Variants in STAC observed in about 807,000 individuals in gnomAD.
STAC encodes the protein SH3 and cysteine-rich domain-containing protein.
A neutral mutation model predicts 48.8 loss-of-function variants in STAC; 43 were observed. That is an observed-to-expected ratio of 0.88 (90% confidence interval 0.69 to 1.14). STAC has a LOEUF of 1.14. Ranked by LOEUF, STAC falls within the 50% of genes most tolerant of loss-of-function variation. The pLI is 0.00. For synonymous variants in STAC, 193 were observed against 179.5 expected, an observed-to-expected ratio of 1.07 and a Z score of -0.60; for missense variants, 497 against 504.0, an observed-to-expected ratio of 0.99 and a Z score of 0.13.
intron 1 of STAC, among the ~76,000 whole-genome samples, chr3:36,400,845 G>A (rs1312053121): frequency 6.6e-6 from 1 of 152,142 alleles, no homozygotes; most frequent in Non-Finnish European, 1.5e-5. Context: ...GTGTTCTCTT[G>A]ACCCAGGCTT....
At chr3:36,419,180 CT>C (rs1259401333) in intron 1 of STAC, among the ~76,000 whole-genome samples, 1 of 152,058 alleles carries the variant, frequency 6.6e-6, no homozygotes, top group African/African-American at 2.4e-5. Context: ...TCACTAACTT[CT>C]TTTAACTTAA....
intron 6 of STAC, among the ~76,000 whole-genome samples, chr3:36,498,454 C>T (rs947875835): frequency 1.3e-5 from 2 of 152,112 alleles, no homozygotes; most frequent in Admixed American, 1.3e-4. Flanking sequence ...TTTAGAAGTA[C>T]ATAAAGAGAG....
chr3:36,473,877 G>A (rs938524478), intron 2 of STAC, among the ~76,000 whole-genome samples: 1 of 152,072 alleles, frequency 6.6e-6, no homozygotes, highest in Non-Finnish European at 1.5e-5. Context: ...ATTAAATAAG[G>A]ACTTTCATCA....
At chr3:36,430,122 A>G (rs1229913579) in intron 1 of STAC, among the ~76,000 whole-genome samples, 1 of 152,222 alleles carries the variant, frequency 6.6e-6, no homozygotes, top group East Asian at 1.9e-4. Flanking sequence ...TGGGGAATTC[A>G]AACATGTAAG....
intron 1 of STAC, among the ~76,000 whole-genome samples, chr3:36,441,945 G>A (rs75327592): frequency 6.6e-6 from 1 of 151,562 alleles, no homozygotes; most frequent in African/African-American, 2.4e-5. Flanking sequence ...GGAGGTTTGT[G>A]TTTTTTTTGC....
At chr3:36,543,337 T>C (rs1004551879) in intron 10 of STAC, among the ~76,000 whole-genome samples, 3 of 152,232 alleles carry the variant, frequency 2.0e-5, no homozygotes, top group African/African-American at 7.2e-5. Flanking sequence ...TCTGGATTCC[T>C]CATTTCTGGA....
chr3:36,528,481 AAG>A (rs1491054177), intron 8 of STAC, among the ~76,000 whole-genome samples: 8 of 152,006 alleles, frequency 5.3e-5, no homozygotes, highest in Admixed American at 2.0e-4. Context: ...AAAAAAAAAA[AAG>A]AGTTATTTTT....
At chr3:36,476,803 A>T (rs968280252) in intron 2 of STAC, among the ~76,000 whole-genome samples, 10 of 152,142 alleles carry the variant, frequency 6.6e-5, no homozygotes, top group African/African-American at 2.4e-4. Context: ...AAAATTATCC[A>T]TTGCTTTTGC....
At chr3:36,425,594 T>C (rs1395296642) in intron 1 of STAC, among the ~76,000 whole-genome samples, 1 of 152,256 alleles carries the variant, frequency 6.6e-6, no homozygotes, top group African/African-American at 2.4e-5. Context: ...TATATCAGTG[T>C]TAATTTCCTG....
chr3:36,468,709 T>C (rs1423329451), intron 2 of STAC, among the ~76,000 whole-genome samples: 1 of 147,684 alleles, frequency 6.8e-6, no homozygotes, highest in Non-Finnish European at 1.5e-5. Flanking sequence ...TCATTATATA[T>C]ATAAAATACA....
At chr3:36,399,084 T>C (rs1394641972) in intron 1 of STAC, among the ~76,000 whole-genome samples, 1 of 152,224 alleles carries the variant, frequency 6.6e-6, no homozygotes, top group Non-Finnish European at 1.5e-5. Context: ...GCAGGACTTT[T>C]TTTTTAACTT....
intron 2 of STAC, among the ~76,000 whole-genome samples, chr3:36,461,970 T>C (rs1697031082): frequency 6.6e-6 from 1 of 152,142 alleles, no homozygotes. Context: ...GTTGCTGTTA[T>C]GTGAAAAATA....
intron 10 of STAC, among the ~76,000 whole-genome samples, chr3:36,541,612 A>G (rs1699328984): frequency 6.6e-6 from 1 of 152,216 alleles, no homozygotes; most frequent in South Asian, 2.1e-4. Flanking sequence ...TTTAACTCCA[A>G]AGCAAGGACC....
At chr3:36,452,784 G>A (rs994436352) in intron 2 of STAC, among the ~76,000 whole-genome samples, 1 of 152,184 alleles carries the variant, frequency 6.6e-6, no homozygotes, top group South Asian at 2.1e-4. Context: ...TGAGAGACTG[G>A]GAAGTAGCAA....
Position 36,504,550 on chromosome 3 carries a change from G to A in STAC, c.831+93G>A. The A allele has an allele frequency of 1.2e-5, 12 of 1,014,578 alleles. No homozygotes were observed. In the South Asian group the frequency reaches 1.6e-4, roughly 13 times the overall value. 62.8% of individuals were successfully genotyped at this position (1,014,578 alleles called of 1,614,324 possible). ...AAGTGGGTCATGAAATCAATTTAGT[G>A]AGTCCAGACCAGCATCTTTAGAGAA... On this transcript the variant is annotated intron_variant, in intron 7 of 10. Transcript: ENST00000273183.
At chr3:36,434,895 T>C (rs542318214) in intron 1 of STAC, among the ~76,000 whole-genome samples, 8 of 152,332 alleles carry the variant, frequency 5.3e-5, no homozygotes, top group African/African-American at 1.9e-4. Flanking sequence ...ACATGGATTA[T>C]TGCTGAAATT....
At chr3:36,486,045 C>T in intron 4 of STAC, 89 bp from the exon 5 acceptor site, 1 of 961,332 alleles carries the variant, frequency 1.0e-6, no homozygotes, top group Non-Finnish European at 1.6e-6. Flanking sequence ...GCCTGCTTCT[C>T]AGGCGCTGTT....
intron 2 of STAC, among the ~76,000 whole-genome samples, chr3:36,453,382 C>T (rs942822522): frequency 2.6e-5 from 4 of 152,214 alleles, no homozygotes; most frequent in Non-Finnish European, 5.9e-5. Context: ...GCGCGCGGTG[C>T]TTGCGGGCCA....
At chr3:36,420,674 C>A (rs891867954) in intron 1 of STAC, among the ~76,000 whole-genome samples, 1 of 152,202 alleles carries the variant, frequency 6.6e-6, no homozygotes, top group Non-Finnish European at 1.5e-5. Context: ...CCTCAATCCA[C>A]GGAAAAACTG....
Sources: allele counts gnomAD v4.1 joint callset (sites outside exome capture counted in the v4.1 genomes callset), GRCh38; gene constraint gnomAD v4.1.1; transcripts MANE v1.5; gene names NCBI Gene and HGNC (gene_info 2026-07-23, HGNC 2026-07-21).